EBF1: variants seen among roughly 807,000 people sequenced by gnomAD.
EBF1 encodes the protein transcription factor COE1.
EBF1 carries 10 observed loss-of-function variants against 68.4 expected under a neutral mutation model. That is an observed-to-expected ratio of 0.15 (90% CI 0.09 to 0.25). The LOEUF is 0.25. Among genes scored for constraint, EBF1 ranks in the 10% least tolerant of loss-of-function variants. The pLI, the probability that EBF1 is intolerant of heterozygous loss-of-function variation, is 1.00. For missense variants in EBF1, 509 were observed against 794.4 expected (o/e 0.64, Z 4.32); for synonymous variants, 298 against 299.8 (o/e 0.99, Z 0.06).
At chr5:158,723,848 C>T (rs1277983008) in intron 11 of EBF1, among the ~76,000 whole-genome samples, 4 of 152,090 alleles carry the variant, frequency 2.6e-5, no homozygotes, top group African/African-American at 7.2e-5. Flanking sequence ...TGGGGGTCAT[C>T]GGCCTTTTTA....
chr5:158,911,375 A>G (rs1562280090), intron 6 of EBF1, among the ~76,000 whole-genome samples: 1 of 152,096 alleles, frequency 6.6e-6, no homozygotes, highest in Non-Finnish European at 1.5e-5. Flanking sequence ...GTTTACTTCT[A>G]TCACTAACCA....
intron 6 of EBF1, among the ~76,000 whole-genome samples, chr5:158,948,877 G>T (rs929266213): frequency 1.3e-5 from 2 of 152,098 alleles, no homozygotes; most frequent in Non-Finnish European, 2.9e-5. Context: ...CCGCCCCTCA[G>T]TTTATTTTAA....
chr5:158,750,989 T>C (rs545621995), intron 10 of EBF1, among the ~76,000 whole-genome samples: 3 of 152,206 alleles, frequency 2.0e-5, no homozygotes, highest in South Asian at 2.1e-4. Flanking sequence ...CCTATTAACA[T>C]GTTTATGAAG....
intron 4 of EBF1, among the ~76,000 whole-genome samples, chr5:159,093,024 G>T (rs1781930735): frequency 6.6e-6 from 1 of 152,164 alleles, no homozygotes; most frequent in African/African-American, 2.4e-5. Context: ...ATTTAATTAT[G>T]ATAGAATAAT....
chr5:158,720,296 G>A (rs928160323), intron 11 of EBF1, among the ~76,000 whole-genome samples: 3 of 152,110 alleles, frequency 2.0e-5, no homozygotes, highest in Admixed American at 6.6e-5. Flanking sequence ...GATTGGAAAG[G>A]CCGAATGCTG....
intron 10 of EBF1, among the ~76,000 whole-genome samples, chr5:158,757,921 G>A (rs912270942): frequency 6.6e-6 from 1 of 152,100 alleles, no homozygotes; most frequent in African/African-American, 2.4e-5. Flanking sequence ...TCTAGACAAG[G>A]CATAGTACGA....
intron 11 of EBF1, 40 bp downstream of exon 11, chr5:158,731,029 G>C (rs757031018): frequency 1.2e-5 from 19 of 1,585,896 alleles, no homozygotes; most frequent in Non-Finnish European, 1.6e-5. Context: ...AATCGCTCAA[G>C]TCCAAATTTT....
At chr5:158,752,884 C>T (rs1015500462) in intron 10 of EBF1, among the ~76,000 whole-genome samples, 14 of 151,832 alleles carry the variant, frequency 9.2e-5, no homozygotes, top group African/African-American at 3.4e-4. Context: ...CTTCTTTTTC[C>T]CCATAAATTT....
chr5:158,864,924 G>T (rs1282208995), intron 6 of EBF1, among the ~76,000 whole-genome samples: 1 of 152,124 alleles, frequency 6.6e-6, no homozygotes, highest in African/African-American at 2.4e-5. Context: ...CTGGGAGATG[G>T]TCCTTCCCAT....
At chr5:158,731,349 G>A (rs1056090414) in intron 10 of EBF1, among the ~76,000 whole-genome samples, 192 bp from the exon 11 acceptor site, 1 of 152,212 alleles carries the variant, frequency 6.6e-6, no homozygotes. Context: ...ACGGTGGGGA[G>A]TGACCCGCCC....
rs373656670 is a variant in EBF1, at chr5:158,875,691, G to A, written c.555-35581C>T. Among the ~76,000 whole-genome samples, 332 of 152,262 alleles carry A rather than the reference G, an allele frequency of 2.2e-3. 3 individuals are homozygous for A. Among genetic ancestry groups the A allele is most frequent in the African/African-American group, 7.5e-3 (313 of 41,558 alleles). ...AAAAAATGAAATTATATGAATTCAC[G>A]TCTTGATTTCCCTGTGCAATGTACT... is the stretch of plus-strand genomic sequence containing the variant. On this transcript the variant is annotated intron_variant, in intron 6 of 15. Coordinates refer to ENST00000313708, the MANE Select transcript of EBF1 (RefSeq NM_024007.5).
chr5:159,086,558 C>A (rs535551384), intron 4 of EBF1, among the ~76,000 whole-genome samples: 1 of 152,124 alleles, frequency 6.6e-6, no homozygotes, highest in Admixed American at 6.5e-5. Flanking sequence ...GGTTTGCCTG[C>A]GTTTCCTCAG....
At chr5:159,087,453 C>CATATATATAT (rs1561986928) in intron 4 of EBF1, among the ~76,000 whole-genome samples, 2 of 73,966 alleles carry the variant, frequency 2.7e-5, no homozygotes, top group Non-Finnish European at 6.5e-5. Flanking sequence ...TATATATATA[C>CATATATATAT]ACACACACAC....
intron 6 of EBF1, among the ~76,000 whole-genome samples, chr5:158,975,323 C>T (rs1054467287): frequency 1.3e-5 from 2 of 152,128 alleles, no homozygotes; most frequent in African/African-American, 4.8e-5. Flanking sequence ...TTAGTACATA[C>T]CGTATGCTGT....
At chr5:158,770,797 TCTAA>T (rs1167305809) in intron 10 of EBF1, among the ~76,000 whole-genome samples, 3 of 152,262 alleles carry the variant, frequency 2.0e-5, no homozygotes, top group African/African-American at 7.2e-5. Flanking sequence ...GAGAAATATC[TCTAA>T]CTGACTGGTC....
chr5:158,938,742 G>A (rs7701361), intron 6 of EBF1, among the ~76,000 whole-genome samples: 81,907 of 151,968 alleles, frequency 0.54, 22,652 homozygotes, highest in South Asian at 0.74. Flanking sequence ...GCAGGGGAGG[G>A]CTATACCTTC....
intron 15 of EBF1, among the ~76,000 whole-genome samples, chr5:158,706,490 A>G (rs1757912152): frequency 6.6e-6 from 1 of 152,234 alleles, no homozygotes; most frequent in South Asian, 2.1e-4. Flanking sequence ...ACTAGTGCTG[A>G]CATCATACGG....
At chr5:158,820,617 G>A (rs534896172) in intron 8 of EBF1, among the ~76,000 whole-genome samples, 7 of 151,946 alleles carry the variant, frequency 4.6e-5, no homozygotes, top group Admixed American at 1.3e-4. Flanking sequence ...ATAAGGCTTC[G>A]GTGAAGGCAA....
chr5:158,866,236 T>C (rs10059644), intron 6 of EBF1, among the ~76,000 whole-genome samples: 4 of 152,186 alleles, frequency 2.6e-5, no homozygotes, highest in Non-Finnish European at 5.9e-5. Flanking sequence ...AAAGCCTTCT[T>C]GCAGAAATGT....
Sources: gnomAD v4.1 joint callset for allele counts (sites outside exome capture counted in the v4.1 genomes callset) on GRCh38, gnomAD v4.1.1 for gene constraint, MANE v1.5 for transcripts, NCBI Gene and HGNC (gene_info 2026-07-23, HGNC 2026-07-21) for gene names.